CRISPLD2: variants seen among roughly 807,000 people sequenced by gnomAD.
CRISPLD2 encodes the protein cysteine-rich secretory protein LCCL domain-containing 2.
A neutral mutation model predicts 71.1 loss-of-function variants in CRISPLD2; 47 were observed. That is an observed-to-expected ratio of 0.66 (90% CI 0.52 to 0.84). CRISPLD2 has a LOEUF of 0.84. CRISPLD2 is among the 40% of genes least tolerant of loss of function. The probability of loss-of-function intolerance (pLI) is 0.00; values close to 1 mark genes in which losing one functional copy is unlikely to be tolerated. For missense variants in CRISPLD2, 830 were observed against 651.1 expected, an observed-to-expected ratio of 1.27 and a Z score of -2.99; for synonymous variants, 317 against 250.1, an observed-to-expected ratio of 1.27 and a Z score of -2.52.
chr16:84,864,446 G>C (rs1244842698), intron 6 of CRISPLD2, among the ~76,000 whole-genome samples: 5 of 152,136 alleles, frequency 3.3e-5, no homozygotes, highest in African/African-American at 1.2e-4. Context: ...AGAAAACCCG[G>C]CTTATTCTCC....
At chr16:84,862,579 C>G (rs972543888) in intron 6 of CRISPLD2, among the ~76,000 whole-genome samples, 1 of 151,518 alleles carries the variant, frequency 6.6e-6, no homozygotes, top group Non-Finnish European at 1.5e-5. Flanking sequence ...AAGCGTTTCT[C>G]ATGTCTTGGG....
At chr16:84,849,282 C>A in intron 3 of CRISPLD2, 103 bp from the exon 4 acceptor site, 1 of 1,172,970 alleles carries the variant, frequency 8.5e-7, no homozygotes, top group Non-Finnish European at 1.2e-6. Context: ...CCGCTATTCA[C>A]CCTCCTCGGC....
intron 4 of CRISPLD2, 152 bp from the exon 5 acceptor site, chr16:84,850,416 T>C: frequency 3.2e-6 from 2 of 621,944 alleles, no homozygotes; most frequent in Non-Finnish European, 5.7e-6. Context: ...AGAAAATGTA[T>C]GTATCTTCAA....
intron 14 of CRISPLD2, among the ~76,000 whole-genome samples, chr16:84,895,992 T>G (rs970659940): frequency 1.3e-5 from 2 of 151,690 alleles, no homozygotes; most frequent in African/African-American, 4.8e-5. Flanking sequence ...GAAATTTTCC[T>G]GAGGGATCAA....
At chr16:84,905,860 C>T (rs1209184242) in intron 14 of CRISPLD2, among the ~76,000 whole-genome samples, 2 of 151,750 alleles carry the variant, frequency 1.3e-5, no homozygotes, top group Admixed American at 6.6e-5. Flanking sequence ...CAGGCGCCTG[C>T]CACCACATCC....
At chr16:84,897,011 A>G (rs2071712152) in intron 14 of CRISPLD2, among the ~76,000 whole-genome samples, 1 of 152,016 alleles carries the variant, frequency 6.6e-6, no homozygotes, top group Non-Finnish European at 1.5e-5. Context: ...CTTCCTCCTC[A>G]GGTCACTTTC....
At chr16:84,878,438 G>A (rs2071540409) in intron 12 of CRISPLD2, among the ~76,000 whole-genome samples, 1 of 142,136 alleles carries the variant, frequency 7.0e-6, no homozygotes, top group Admixed American at 6.7e-5. Flanking sequence ...CCGTGGCAGG[G>A]TGTGGTCTTG....
rs183315946 is a variant in CRISPLD2, at chr16:84,897,382, G to T, written c.1439+8019G>T. 3.4e-3 allele frequency among the ~76,000 whole-genome samples: 522 copies of T among 152,196 alleles called. 3 individuals are homozygous for T. The highest frequency in any genetic ancestry group is 0.012 in the African/African-American group (510 of 41,544). Reference sequence around the variant, plus strand: ...TAGGAGAATTGATTGAACCCAGGAGGTGGAGGAGGCTACAGTGAGTGGAGA... The same window carrying T: ...TAGGAGAATTGATTGAACCCAGGAGTTGGAGGAGGCTACAGTGAGTGGAGA... On this transcript the variant is annotated intron_variant, in intron 14 of 14. Coordinates refer to ENST00000262424, the MANE Select transcript of CRISPLD2 (RefSeq NM_031476.4).
rs113532049 is a variant in CRISPLD2 at position 84,854,960 on chromosome 16, A to G, written c.709+131A>G. The G allele has an allele frequency of 9.8e-6, 7 of 715,126 alleles. No homozygotes were observed. The African/African-American group carries it at 1.2e-4, about 12-fold the overall frequency. 44.3% of individuals were successfully genotyped at this position (715,126 alleles called of 1,614,324 possible). A position where few individuals can be genotyped will look rare whatever the true frequency, so the allele number is the denominator to read the frequency against. On this transcript the variant is annotated intron_variant, in intron 6 of 14. Transcript: ENST00000262424. ...TGGCCCTATTTAAGACGCTCTCAGC[A>G]CATTCCTCCCGCCTCCGTGATGAGC... is the stretch of plus-strand genomic sequence containing the variant.
At chr16:84,872,955 A>G (rs1229745606) in intron 9 of CRISPLD2, 37 bp from the exon 10 acceptor site, 2 of 1,578,334 alleles carry the variant, frequency 1.3e-6, no homozygotes, top group African/African-American at 2.7e-5. Flanking sequence ...ACAGAGGTTG[A>G]GAATGTGCCT....
intron 14 of CRISPLD2, 67 bp from the exon 15 acceptor site, chr16:84,906,521 A>G: frequency 6.4e-7 from 1 of 1,565,986 alleles, no homozygotes. Flanking sequence ...CTCCCTGCCC[A>G]CCCAGAGTCC....
chr16:84,887,629 C>T (rs916682975), intron 13 of CRISPLD2, among the ~76,000 whole-genome samples: 7 of 152,222 alleles, frequency 4.6e-5, no homozygotes, highest in African/African-American at 1.7e-4. Context: ...GTAGTCCCAG[C>T]ACTTTGGGAG....
chr16:84,863,917 A>C (rs564204838), intron 6 of CRISPLD2, among the ~76,000 whole-genome samples: 148 of 146,196 alleles, frequency 1.0e-3, no homozygotes, highest in Non-Finnish European at 1.8e-3. Context: ...AGATCACACC[A>C]TTGCACTCCA....
chr16:84,834,911 C>T (rs1179026426), intron 1 of CRISPLD2, among the ~76,000 whole-genome samples: 1 of 152,060 alleles, frequency 6.6e-6, no homozygotes, highest in Non-Finnish European at 1.5e-5. Flanking sequence ...TTAATCACCT[C>T]CGCAAAGGCC....
At chr16:84,832,669 G>A (rs1051164694) in intron 1 of CRISPLD2, among the ~76,000 whole-genome samples, 1 of 152,244 alleles carries the variant, frequency 6.6e-6, no homozygotes, top group African/African-American at 2.4e-5. Context: ...GGGGCATGTC[G>A]GGGTCATGGG....
At chr16:84,903,598 TA>T (rs10557896) in intron 14 of CRISPLD2, among the ~76,000 whole-genome samples, 2,678 of 135,928 alleles carry the variant, frequency 0.02, 32 homozygotes, top group African/African-American at 0.046. Flanking sequence ...TCTTAAAATT[TA>T]AAAAAAAAAA....
chr16:84,880,553 C>G lies in CRISPLD2; in HGVS notation c.1274C>G (p.Ala425Gly). The G allele has an allele frequency of 6.2e-7, 1 of 1,613,896 alleles. No individual in the cohort carries two copies. Residue 425 changes from alanine (A) to glycine (G), a missense_variant, in exon 13 of 15, where the codon GCT becomes GGT. Coordinates refer to ENST00000262424, the MANE Select transcript of CRISPLD2 (RefSeq NM_031476.4). Reference sequence around the variant, plus strand: ...TGCAAAGACGAACCTTCCTACTGGGCTCCGGTGTTTGGAACCAACATCTAT... The same window carrying G: ...TGCAAAGACGAACCTTCCTACTGGGGTCCGGTGTTTGGAACCAACATCTAT... ...AHCKDEPSYW[A>G]PVFGTNIYAD...
chr16:84,853,142 G>A (rs1893488127), intron 5 of CRISPLD2, among the ~76,000 whole-genome samples: 1 of 152,186 alleles, frequency 6.6e-6, no homozygotes, highest in Non-Finnish European at 1.5e-5. Context: ...CTGAGTGTTA[G>A]GGTTGAGCTG....
intron 14 of CRISPLD2, among the ~76,000 whole-genome samples, chr16:84,897,608 GTTGTTTGT>G (rs970035729): frequency 6.6e-6 from 1 of 151,614 alleles, no homozygotes; most frequent in Admixed American, 6.6e-5. Context: ...GCCTTTTTTT[GTTGTTTGT>G]TTGTTTGTTT....
Sources: gnomAD v4.1 joint callset for allele counts (sites outside exome capture counted in the v4.1 genomes callset) on GRCh38, gnomAD v4.1.1 for gene constraint, MANE v1.5 for transcripts, NCBI Gene and HGNC (gene_info 2026-07-23, HGNC 2026-07-21) for gene names.